Variants in STOML2 observed in about 807,000 individuals in gnomAD.
STOML2 encodes the protein stomatin-like protein 2, mitochondrial.
Under a neutral mutation model 45.7 loss-of-function variants are expected in STOML2, and 22 were observed. The ratio of observed to expected loss-of-function variants is 0.48; its 90% CI spans 0.34 to 0.69. The LOEUF is 0.69. Among genes scored for constraint, STOML2 ranks in the 30% least tolerant of loss-of-function variants. The pLI, the probability that STOML2 is intolerant of heterozygous loss-of-function variation, is 0.01. For synonymous variants in STOML2, 181 were observed against 182.7 expected, an observed-to-expected ratio of 0.99 and a Z score of 0.08; for missense variants, 359 against 466.9, an observed-to-expected ratio of 0.77 and a Z score of 2.13.
At position 35,101,056 on chromosome 9, in the gene STOML2, T is replaced by A. The variant is rs767419644; in HGVS notation, c.725-45A>T. 2.1e-5 allele frequency: 34 copies of A among 1,612,152 alleles called. No individual in the cohort carries two copies. The South Asian group carries it at 3.0e-4, about 14-fold the overall frequency. Reference sequence around the variant, plus strand: ...GCTTGCTTGACCCATGAAGTCAAAGTACCCCAAAGATCCTGCCCCAGCACC... The same window carrying A: ...GCTTGCTTGACCCATGAAGTCAAAGAACCCCAAAGATCCTGCCCCAGCACC... On this transcript the variant is annotated intron_variant, in intron 7 of 9. Coordinates refer to ENST00000356493, the MANE Select transcript of STOML2 (RefSeq NM_013442.3). This position sits in a 1 kb window ranked among gnomAD's most constrained non-coding sequence, Gnocchi z 4.3.
Position 35,101,764 on chromosome 9 carries a change from A to G in STOML2, c.390T>C (p.Ala130=). Residue 130 remains alanine, a synonymous_variant, in exon 5 of 10, where the codon GCT becomes GCC. Coordinates refer to ENST00000356493, the MANE Select transcript of STOML2 (RefSeq NM_013442.3). The surrounding 1 kb of genome is among the most constrained non-coding windows in gnomAD (Gnocchi z 4.3). ...CGAGCTCTGATCTCATGGTTGTTTG[A>G]GCTAGCTGGGTGACGGCATACTCAG... The part of the protein sequence containing the change: ...EDPEYAVTQL[A]QTTMRSELGK... 1 of 1,614,076 alleles carries G rather than the reference A, an allele frequency of 6.2e-7. No individual in the cohort carries two copies. Among genetic ancestry groups the G allele is most frequent in the Non-Finnish European group, 8.5e-7 (1 of 1,180,002 alleles).
In STOML2 at chr9:35,101,940, A is replaced by T. The variant is rs772218681; in HGVS notation, c.306T>A (p.Asp102Glu). 5 of 1,614,142 alleles carry T rather than the reference A, an allele frequency of 3.1e-6. No individual in the cohort carries two copies. Among genetic ancestry groups the T allele is most frequent in the Admixed American group, 1.7e-5 (1 of 60,012 alleles). The change falls in exon 4 of 10, where the codon GAT (aspartate) becomes GAA (glutamate). Residue 102 changes from aspartate to glutamate, a missense_variant. By Grantham distance (45) the Asp-to-Glu change is conservative (BLOSUM62 2). Around this residue, in one of 2 missense-constraint regions of STOML2, gnomAD observed 285 missense variants for 422.0 expected, o/e 0.68. Transcript: ENST00000356493. This position sits in a 1 kb window ranked among gnomAD's most constrained non-coding sequence, Gnocchi z 4.3. ...VTLDNVTLQI[D>E]GVLYLRIMDP... is the part of the protein sequence containing the mutation. ...CCATGATGCGCAGGTAAAGGACTCC[A>T]TCGATTTGCAGAGTTACATTGTCTG...
chr9:35,102,602 G>A lies in STOML2; in HGVS notation c.183+84C>T. On this transcript the variant is annotated intron_variant, in intron 2 of 9. Coordinates refer to ENST00000356493, the MANE Select transcript of STOML2 (RefSeq NM_013442.3). This position sits in a 1 kb window ranked among gnomAD's most constrained non-coding sequence, Gnocchi z 4.8. ...AGTCGGGAGCTAACAGTGCGGGCAG[G>A]CCCAAAGGAAGTCCTCCCGACATTG... 6.4e-7 allele frequency: 1 copy of A among 1,569,978 alleles called. No homozygotes were observed.
chr9:35,100,902 T>C (rs1212570861), intron 8 of STOML2, 30 bp downstream of exon 8: 1 of 1,614,120 alleles, frequency 6.2e-7, no homozygotes, highest in African/African-American at 1.3e-5. Context: ...TGTCAATTCC[T>C]GTCCCCATTC....
rs746301982 is a variant in STOML2 at position 35,103,021 on chromosome 9, A to T, written c.45+29T>A. ...GAGAACCCAGGTAATCTCTGTCCTG[A>T]CCCTCTGGAAAGGTTGCCTCGCTCT... On this transcript the variant is annotated intron_variant, in intron 1 of 9. Transcript: ENST00000356493. 2.5e-6 allele frequency: 4 copies of T among 1,613,766 alleles called. No individual in the cohort carries two copies. The South Asian group carries it at 3.3e-5, about 13-fold the overall frequency.
rs1478062823 is a variant in STOML2, at chr9:35,102,748, C to A, written c.121G>T (p.Val41Leu). The change falls in exon 2 of 10, where the codon GTG becomes TTG. Residue 41 changes from valine (V) to leucine (L), a missense_variant. By Grantham distance (32) the Val-to-Leu change is conservative (BLOSUM62 1). Coordinates refer to ENST00000356493, the MANE Select transcript of STOML2 (RefSeq NM_013442.3). The surrounding 1 kb of genome is among the most constrained non-coding windows in gnomAD (Gnocchi z 4.8). ...GLPRNTVVLF[V>L]PQQEAWVVER... Reference sequence around the variant, plus strand: ...ACCACCCAGGCCTCCTGCTGCGGCACGAACAGTACCACGGTGTTTCGGGGC... The same window carrying A: ...ACCACCCAGGCCTCCTGCTGCGGCAAGAACAGTACCACGGTGTTTCGGGGC... 1 of 1,613,882 alleles carries A rather than the reference C, an allele frequency of 6.2e-7. No individual in the cohort carries two copies. The highest frequency in any genetic ancestry group is 1.3e-5 in the African/African-American group (1 of 74,934).
At position 35,101,725 on chromosome 9, in the gene STOML2, CAG is replaced by C. The variant is rs1564008198; in HGVS notation, c.427_428del (p.Leu143GlyfsTer23). The part of the protein sequence containing the change: ...TMRSELGKLS[L>X]DKVFRERESL... ...ATCTGCTTACCCGGAAGACTTTGTC[CAG>C]AGAGAGTTTGCCGAGCTCTGATCTC... On this transcript the variant is annotated frameshift_variant, in exon 5 of 10. Transcript: ENST00000356493. LOFTEE classifies it high-confidence loss of function. This position sits in a 1 kb window ranked among gnomAD's most constrained non-coding sequence, Gnocchi z 4.3. 1.9e-6 allele frequency: 3 copies of C among 1,614,096 alleles called. No homozygotes were observed. Among genetic ancestry groups the C allele is most frequent in the South Asian group, 1.1e-5 (1 of 91,064 alleles).
rs1412930413 is a variant in STOML2, at chr9:35,103,127, G to A, written c.-33C>T. 2.5e-6 allele frequency: 4 copies of A among 1,610,286 alleles called. No homozygotes were observed. Among genetic ancestry groups the A allele is most frequent in the Non-Finnish European group, 2.5e-6 (3 of 1,179,368 alleles). ...CGCCGCAGCGACCTCCGGAACCAAC[G>A]AGACGAGCGGAGCGGTCGCTCCCAG... is the stretch of plus-strand genomic sequence containing the variant. On this transcript the variant is annotated 5_prime_UTR_variant, in exon 1 of 10. Transcript: ENST00000356493.
chr9:35,103,185 G>A, upstream of STOML2: 2 of 1,503,436 alleles, frequency 1.3e-6, no homozygotes, highest in Non-Finnish European at 1.8e-6. Flanking sequence ...TTGCAGTTCC[G>A]CTCCCCCGGA....
Position 35,101,015 on chromosome 9 carries a change from C to T in STOML2, c.725-4G>A. The T allele has an allele frequency of 6.2e-7, 1 of 1,613,768 alleles. No homozygotes were observed. Among genetic ancestry groups the T allele is most frequent in the Non-Finnish European group, 8.5e-7 (1 of 1,179,792 alleles). ...GCCAGAACTGCACTGGCCTCTCCTG[C>T]AAGAGAAGGGACAGAGCTTGCTTGA... is the stretch of plus-strand genomic sequence containing the variant. On this transcript the variant is annotated splice_region_variant and splice_polypyrimidine_tract_variant and intron_variant, in intron 7 of 9. Transcript: ENST00000356493. This position sits in a 1 kb window ranked among gnomAD's most constrained non-coding sequence, Gnocchi z 4.3.
Position 35,101,735 on chromosome 9 carries a change from T to C in STOML2, c.419A>G (p.Lys140Arg), listed in dbSNP as rs748033074. The part of the protein sequence containing the change: ...AQTTMRSELG[K>R]LSLDKVFRER... Reference sequence around the variant, plus strand: ...CCGGAAGACTTTGTCCAGAGAGAGTTTGCCGAGCTCTGATCTCATGGTTGT... The same window carrying C: ...CCGGAAGACTTTGTCCAGAGAGAGTCTGCCGAGCTCTGATCTCATGGTTGT... Residue 140 changes from lysine (K) to arginine (R), a missense_variant, in exon 5 of 10, where the codon AAA becomes AGA. By Grantham distance (26) the Lys-to-Arg change is conservative. Coordinates refer to ENST00000356493, the MANE Select transcript of STOML2 (RefSeq NM_013442.3). The surrounding 1 kb of genome is among the most constrained non-coding windows in gnomAD (Gnocchi z 4.3). 16 of 1,614,014 alleles carry C rather than the reference T, an allele frequency of 9.9e-6. No individual in the cohort carries two copies. The East Asian group carries it at 3.3e-4, about 34-fold the overall frequency.
In STOML2 at chr9:35,102,814, G is replaced by T; in HGVS notation, c.55C>A (p.Leu19Met). 1 of 1,614,084 alleles carries T rather than the reference G, an allele frequency of 6.2e-7. No homozygotes were observed. The highest frequency in any genetic ancestry group is 1.7e-5 in the Admixed American group (1 of 60,030). The change falls in exon 2 of 10, where the codon CTG (leucine) becomes ATG (methionine). Residue 19 changes from leucine (L) to methionine (M), a missense_variant. Leu to Met is a conservative substitution (Grantham distance 15). Coordinates refer to ENST00000356493, the MANE Select transcript of STOML2 (RefSeq NM_013442.3). The surrounding 1 kb of genome is among the most constrained non-coding windows in gnomAD (Gnocchi z 4.8). ...CGGCGCGGAGCGCGGCCAGAAGCCAGTAGAGAGCCCTGAAGGAAAGAAGAG... is the reference window on the plus strand; with the variant it reads ...CGGCGCGGAGCGCGGCCAGAAGCCATTAGAGAGCCCTGAAGGAAAGAAGAG... ...TGALLLRGSL[L>M]ASGRAPRRAS...
At chr9:35,103,187 T>G (rs2131098735), upstream of STOML2, 2 of 1,492,088 alleles carry the variant, frequency 1.3e-6, 1 homozygote, top group South Asian at 2.3e-5. Context: ...GCAGTTCCGC[T>G]CCCCCGGATG....
At chr9:35,100,372 C>A (rs1829790694) in intron 9 of STOML2, among the ~76,000 whole-genome samples, 200 bp from the exon 10 acceptor site, 1 of 152,176 alleles carries the variant, frequency 6.6e-6, no homozygotes, top group African/African-American at 2.4e-5. Flanking sequence ...TCTCAGAATA[C>A]CAGCACAAGT....
In STOML2 at chr9:35,099,782, A is replaced by T; in HGVS notation, c.*253T>A. On this transcript the variant is annotated 3_prime_UTR_variant, in exon 10 of 10. Coordinates refer to ENST00000356493, the MANE Select transcript of STOML2 (RefSeq NM_013442.3). The stretch of plus-strand genomic sequence containing the variant: ...TCTTGAAGACAAAAATGATAGTTTC[A>T]CTTTACAAGAAGTTCACTCTTATTC... 1 of 428,916 alleles carries T rather than the reference A, an allele frequency of 2.3e-6. No individual in the cohort carries two copies. Among genetic ancestry groups the T allele is most frequent in the African/African-American group, 2.0e-5 (1 of 50,782 alleles). The allele number at this position is 428,916 out of a possible 1,614,324, so 26.6% of individuals were successfully genotyped here.
chr9:35,102,302 G>T lies in STOML2; in HGVS notation c.184-108C>A. On this transcript the variant is annotated intron_variant, in intron 2 of 9. Transcript: ENST00000356493. This position sits in a 1 kb window ranked among gnomAD's most constrained non-coding sequence, Gnocchi z 4.8. ...CAACACATGGAACATGCCCAGAAAA[G>T]CAGCAGCTCCTACCAAGAAATAAGT... is the stretch of plus-strand genomic sequence containing the variant. The T allele has an allele frequency of 1.1e-6, 1 of 920,762 alleles. No homozygotes were observed. The highest frequency in any genetic ancestry group is 1.7e-6 in the Non-Finnish European group (1 of 603,014). The allele number at this position is 920,762 out of a possible 1,614,324, so 57.0% of individuals were successfully genotyped here. A position where few individuals can be genotyped will look rare whatever the true frequency, so the allele number is the denominator to read the frequency against.
Position 35,101,221 on chromosome 9 carries a change from G to A in STOML2, c.638C>T (p.Ser213Leu), listed in dbSNP as rs527475475. Reference sequence around the variant, plus strand: ...CTTCCCTTCTGCCACATTGATGGCCGACTCTCGGGTCCCCTCAGACTCTAG... The same window carrying A: ...CTTCCCTTCTGCCACATTGATGGCCAACTCTCGGGTCCCCTCAGACTCTAG... ...TVLESEGTRE[S>L]AINVAEGKKQ... is the part of the protein sequence containing the mutation. Residue 213 changes from serine to leucine, a missense_variant, in exon 7 of 10, where the codon TCG becomes TTG. Coordinates refer to ENST00000356493, the MANE Select transcript of STOML2 (RefSeq NM_013442.3). The surrounding 1 kb of genome is among the most constrained non-coding windows in gnomAD (Gnocchi z 4.3). 7 of 1,614,156 alleles carry A rather than the reference G, an allele frequency of 4.3e-6. No individual in the cohort carries two copies. The highest frequency in any genetic ancestry group is 2.7e-5 in the African/African-American group (2 of 75,012).
Position 35,100,669 on chromosome 9 carries a change from T to A in STOML2, c.862A>T (p.Lys288Ter). ...VAEQYVSAFSKLAKDSNTILL... is the reference protein window; with the variant it reads ...VAEQYVSAFS ...ATAGTGTTGGAGTCCTTGGCCAGTT[T>A]GGAGAACGCGCTGACATACTGCTCG... is the stretch of plus-strand genomic sequence containing the variant. Residue 288 changes from lysine to a stop codon, truncating the protein, a stop_gained, in exon 9 of 10, where the codon AAA (lysine) becomes TAA (stop). Transcript: ENST00000356493. LOFTEE classifies it high-confidence loss of function. 6.2e-7 allele frequency: 1 copy of A among 1,614,114 alleles called. No homozygotes were observed.
At position 35,101,973 on chromosome 9, in the gene STOML2, A is replaced by G. The variant is rs367783139; in HGVS notation, c.284-11T>C. The G allele has an allele frequency of 3.1e-6, 5 of 1,614,080 alleles. No homozygotes were observed. The highest frequency in any genetic ancestry group is 1.1e-5 in the South Asian group (1 of 91,080). On this transcript the variant is annotated splice_polypyrimidine_tract_variant and intron_variant, in intron 3 of 9. Coordinates refer to ENST00000356493, the MANE Select transcript of STOML2 (RefSeq NM_013442.3). The surrounding 1 kb of genome is among the most constrained non-coding windows in gnomAD (Gnocchi z 4.3). ...GCAGAGTTACATTGTCTGTAGAACC[A>G]GGAGAGAAAACGGGGAAAGTCAGGC...
Sources: allele counts gnomAD v4.1 joint callset (sites outside exome capture counted in the v4.1 genomes callset), GRCh38; gene constraint gnomAD v4.1.1; regional missense constraint gnomAD v4.1.1; non-coding constraint Gnocchi (gnomAD v3.1); transcripts MANE v1.5; gene names NCBI Gene and HGNC (gene_info 2026-07-23, HGNC 2026-07-21).